The following GABRA5 variants were observed in gnomAD, a reference collection of about 807,000 sequenced individuals.
GABRA5 encodes the protein gamma-aminobutyric acid receptor subunit alpha-5.
GABRA5 carries 18 observed loss-of-function variants against 47.3 expected under a neutral mutation model. That is an observed-to-expected ratio of 0.38 (90% CI 0.26 to 0.56). The LOEUF (loss-of-function observed/expected upper bound fraction) is 0.56, where lower values mean the gene tolerates loss of function less well. Among genes scored for constraint, GABRA5 ranks in the 20% least tolerant of loss-of-function variants. GABRA5 has a pLI of 0.71. For missense variants in GABRA5, 365 were observed against 599.3 expected (o/e 0.61, Z 4.08); for synonymous variants, 237 against 229.3 (o/e 1.03, Z -0.30).
chr15:26,905,343 C>G (rs1893420430), intron 6 of GABRA5, among the ~76,000 whole-genome samples: 1 of 151,564 alleles, frequency 6.6e-6, no homozygotes, highest in Non-Finnish European at 1.5e-5. Flanking sequence ...TCCATGGTTT[C>G]TGATAGAAAT....
At chr15:26,908,305 C>G (rs778634540) in intron 6 of GABRA5, among the ~76,000 whole-genome samples, 1 of 152,152 alleles carries the variant, frequency 6.6e-6, no homozygotes, top group South Asian at 2.1e-4. Context: ...TGTGAATCTC[C>G]TCTTCCATCC....
chr15:26,947,876 G>A, intron 10 of GABRA5, 58 bp from the exon 11 acceptor site: 1 of 1,457,800 alleles, frequency 6.9e-7, no homozygotes, highest in South Asian at 1.3e-5. Flanking sequence ...AGAACTCCAA[G>A]GTGAGCTGAC....
At chr15:26,902,498 C>G (rs1218433894) in intron 6 of GABRA5, among the ~76,000 whole-genome samples, 1 of 152,074 alleles carries the variant, frequency 6.6e-6, no homozygotes, top group Non-Finnish European at 1.5e-5. Context: ...CAAGCTTACT[C>G]TATTCATGTA....
chr15:26,894,717 G>A (rs1248337676), intron 6 of GABRA5, among the ~76,000 whole-genome samples: 1 of 152,032 alleles, frequency 6.6e-6, no homozygotes, highest in African/African-American at 2.4e-5. Flanking sequence ...TGTGCTGTGC[G>A]CTCACCGGAG....
intron 7 of GABRA5, among the ~76,000 whole-genome samples, chr15:26,929,109 GTC>G (rs1894030984): frequency 6.6e-6 from 1 of 152,166 alleles, no homozygotes; most frequent in African/African-American, 2.4e-5. Context: ...CATGGTTTCA[GTC>G]CAAAAGTCTA....
chr15:26,910,435 A>G (rs531204717), intron 6 of GABRA5, among the ~76,000 whole-genome samples: 2 of 152,154 alleles, frequency 1.3e-5, no homozygotes, highest in Admixed American at 6.5e-5. Flanking sequence ...GCCTGTCTCT[A>G]CTAAAAATAC....
Position 26,867,623 on chromosome 15 carries a change from C to T in GABRA5, c.-140+512C>T, listed in dbSNP as rs1169190845. Among the ~76,000 whole-genome samples, 1 of 151,986 alleles carries T rather than the reference C, an allele frequency of 6.6e-6. No homozygotes were observed. The highest frequency in any genetic ancestry group is 1.5e-5 in the Non-Finnish European group (1 of 67,966). The stretch of plus-strand genomic sequence containing the variant: ...GGGAGAGAGCGGGGTCCGGGCGGCT[C>T]ATCCCTGCCGGACGGGGCACCAGGG... On this transcript the variant is annotated intron_variant, in intron 1 of 10. Transcript: ENST00000335625. This position sits in a 1 kb window ranked among gnomAD's most constrained non-coding sequence, Gnocchi z 5.9.
intron 6 of GABRA5, among the ~76,000 whole-genome samples, chr15:26,913,991 G>C (rs1030384898): frequency 1.3e-5 from 2 of 152,088 alleles, no homozygotes; most frequent in African/African-American, 4.8e-5. Flanking sequence ...AACTGAGATG[G>C]TTATAGCACC....
At position 26,883,123 on chromosome 15, in the gene GABRA5, A is replaced by T. The variant is rs748180636; in HGVS notation, c.209-43A>T. Reference sequence around the variant, plus strand: ...GAGCACGAGAGTGTGCCAGACGCGCAGGGTGGGTCGGTGCAGCCCAGGGAC... The same window carrying T: ...GAGCACGAGAGTGTGCCAGACGCGCTGGGTGGGTCGGTGCAGCCCAGGGAC... On this transcript the variant is annotated intron_variant, in intron 4 of 10. Transcript: ENST00000335625. The surrounding 1 kb of genome is among the most constrained non-coding windows in gnomAD (Gnocchi z 4.8). The T allele has an allele frequency of 5.2e-6, 8 of 1,531,118 alleles. No individual in the cohort carries two copies. The highest frequency in any genetic ancestry group is 7.2e-6 in the Non-Finnish European group (8 of 1,104,252). 94.8% of individuals were successfully genotyped at this position (1,531,118 alleles called of 1,614,324 possible).
rs1416305012 is a variant in GABRA5, at chr15:26,869,337, A to G, written c.86+3A>G. ...ATGAACTTATCCAGTCACTTTGGGTAAGTTACCATCTGTGCTTTTATTTTA... is the reference window on the plus strand; with the variant it reads ...ATGAACTTATCCAGTCACTTTGGGTGAGTTACCATCTGTGCTTTTATTTTA... On this transcript the variant is annotated splice_donor_region_variant and intron_variant, in intron 3 of 10. Coordinates refer to ENST00000335625, the MANE Select transcript of GABRA5 (RefSeq NM_000810.4). The G allele has an allele frequency of 1.3e-6, 2 of 1,567,602 alleles. No homozygotes were observed. The highest frequency in any genetic ancestry group is 1.4e-5 in the African/African-American group (1 of 74,022).
chr15:26,937,605 A>G (rs1894278003), intron 8 of GABRA5, among the ~76,000 whole-genome samples: 1 of 152,172 alleles, frequency 6.6e-6, no homozygotes, highest in South Asian at 2.1e-4. Flanking sequence ...CACCCCCCTA[A>G]GCAGGAAAGG....
At chr15:26,940,209 CCCA>C (rs1894352808) in intron 9 of GABRA5, 132 bp downstream of exon 9, 6 of 726,712 alleles carry the variant, frequency 8.3e-6, no homozygotes, top group Non-Finnish European at 1.4e-5. Flanking sequence ...AAGAAATTGA[CCCA>C]CTAATTAAGA....
intron 3 of GABRA5, among the ~76,000 whole-genome samples, chr15:26,875,374 C>T (rs1892570711): frequency 2.6e-5 from 4 of 152,252 alleles, no homozygotes; most frequent in Non-Finnish European, 5.9e-5. Context: ...GCACCAGGCA[C>T]TGTTCCAGGT....
Position 26,880,919 on chromosome 15 carries a change from G to A in GABRA5, c.160G>A (p.Asp54Asn). 1.2e-6 allele frequency: 2 copies of A among 1,613,976 alleles called. No homozygotes were observed. Among genetic ancestry groups the A allele is most frequent in the Non-Finnish European group, 1.7e-6 (2 of 1,179,876 alleles). The change falls in exon 4 of 11, where the codon GAT becomes AAT. Residue 54 changes from aspartate to asparagine, a missense_variant. This residue lies in a region of GABRA5 where 216 missense variants were observed against 335.3 expected (regional missense o/e 0.64). Transcript: ENST00000335625. Reference sequence around the variant, plus strand: ...CATCACGATATTTACCAGGATCTTGGATGGGCTCTTGGATGGCTACGACAA... The same window carrying A: ...CATCACGATATTTACCAGGATCTTGAATGGGCTCTTGGATGGCTACGACAA... ...DNITIFTRIL[D>N]GLLDGYDNRL...
chr15:26,935,770 C>T (rs907874892), intron 7 of GABRA5, among the ~76,000 whole-genome samples: 2 of 152,194 alleles, frequency 1.3e-5, no homozygotes, highest in Non-Finnish European at 2.9e-5. Flanking sequence ...TATCCTCCCC[C>T]CTGCATCTCT....
rs749042436 is a variant in GABRA5, at chr15:26,883,436, A to C, written c.376A>C (p.Ser126Arg). ...CCTCCCTCTCAACAACCTCCTTGCC[A>C]GCAAGATCTGGACCCCAGACACGTT... The part of the protein sequence containing the change: ...QRLPLNNLLA[S>R]KIWTPDTFFH... Residue 126 changes from serine (S) to arginine (R), a missense_variant, in exon 6 of 11, where the codon AGC becomes CGC. Physicochemically the swap from Ser to Arg is moderately radical, Grantham distance 110. Coordinates refer to ENST00000335625, the MANE Select transcript of GABRA5 (RefSeq NM_000810.4). The surrounding 1 kb of genome is among the most constrained non-coding windows in gnomAD (Gnocchi z 4.8). The C allele has an allele frequency of 2.5e-6, 4 of 1,614,180 alleles. No individual in the cohort carries two copies.
At chr15:26,895,107 G>A (rs1437938876) in intron 6 of GABRA5, among the ~76,000 whole-genome samples, 2 of 151,894 alleles carry the variant, frequency 1.3e-5, no homozygotes, top group African/African-American at 2.4e-5. Context: ...TTCTCTACCC[G>A]GGGGCACAAG....
At chr15:26,895,411 T>C (rs972745535) in intron 6 of GABRA5, among the ~76,000 whole-genome samples, 1 of 152,088 alleles carries the variant, frequency 6.6e-6, no homozygotes, top group Non-Finnish European at 1.5e-5. Context: ...ACTATTCTGC[T>C]TGGGGTGCAA....
intron 9 of GABRA5, among the ~76,000 whole-genome samples, chr15:26,942,336 T>G (rs1206586618): frequency 6.6e-6 from 1 of 152,180 alleles, no homozygotes; most frequent in Non-Finnish European, 1.5e-5. Flanking sequence ...CTGCAAAGTT[T>G]TCCTAGTGGC....
Sources: gnomAD v4.1 joint callset for allele counts (sites outside exome capture counted in the v4.1 genomes callset) on GRCh38, gnomAD v4.1.1 for gene constraint, gnomAD v4.1.1 regional missense constraint, Gnocchi (gnomAD v3.1) non-coding constraint, MANE v1.5 for transcripts, NCBI Gene and HGNC (gene_info 2026-07-23, HGNC 2026-07-21) for gene names.